Variants in HEMK2 observed in about 807,000 individuals in gnomAD.
The protein encoded by HEMK2 is methyltransferase HEMK2.
At chr21:28,730,509 C>T in the HEMK2 span, among the ~76,000 whole-genome samples, 1 of 152,108 alleles carries the variant, frequency 6.6e-6, no homozygotes, top group South Asian at 2.1e-4. Flanking sequence ...AGGTGTTGGC[C>T]AGGCTGTGGC....
chr21:28,594,414 A>G, the HEMK2 span, among the ~76,000 whole-genome samples: 5 of 152,192 alleles, frequency 3.3e-5, no homozygotes, highest in Middle Eastern at 3.2e-3. Flanking sequence ...GAGATTAACA[A>G]TAAGGGAAAC....
the HEMK2 span, among the ~76,000 whole-genome samples, chr21:28,838,388 G>A: frequency 2.0e-5 from 3 of 149,950 alleles, no homozygotes; most frequent in African/African-American, 7.4e-5. Context: ...CAAAAAATTA[G>A]CCGGGCATGG....
chr21:28,763,775 T>C, the HEMK2 span, among the ~76,000 whole-genome samples: 1 of 152,080 alleles, frequency 6.6e-6, no homozygotes, highest in Non-Finnish European at 1.5e-5. Flanking sequence ...CACAGTGAGG[T>C]GCACTTAAGC....
chr21:28,602,006 T>C, the HEMK2 span, among the ~76,000 whole-genome samples: 1 of 152,226 alleles, frequency 6.6e-6, no homozygotes, highest in African/African-American at 2.4e-5. Context: ...AACCATTTAA[T>C]TCATTGTACA....
chr21:28,608,959 C>T, the HEMK2 span, among the ~76,000 whole-genome samples: 12 of 152,294 alleles, frequency 7.9e-5, no homozygotes, highest in South Asian at 4.1e-4. Flanking sequence ...CCCACCTGAA[C>T]GTCCTCCCTA....
the HEMK2 span, among the ~76,000 whole-genome samples, chr21:28,760,818 C>A: frequency 6.6e-6 from 1 of 152,106 alleles, no homozygotes; most frequent in Non-Finnish European, 1.5e-5. Context: ...ACAAAGCCAA[C>A]ATTTGGTCTT....
At chr21:28,603,104 G>T in the HEMK2 span, among the ~76,000 whole-genome samples, 2 of 152,272 alleles carry the variant, frequency 1.3e-5, no homozygotes, top group Non-Finnish European at 2.9e-5. Flanking sequence ...GGGACACACT[G>T]AGGCTTAACC....
At chr21:28,798,648 G>T in the HEMK2 span, among the ~76,000 whole-genome samples, 1 of 152,096 alleles carries the variant, frequency 6.6e-6, no homozygotes, top group South Asian at 2.1e-4. Flanking sequence ...GCCTGGACAG[G>T]AAAAGAAATG....
chr21:28,619,934 T>G, the HEMK2 span, among the ~76,000 whole-genome samples: 1 of 152,200 alleles, frequency 6.6e-6, no homozygotes, highest in African/African-American at 2.4e-5. Flanking sequence ...CCAGGAGATT[T>G]TGGGCTGACA....
At chr21:28,834,594 G>A in the HEMK2 span, among the ~76,000 whole-genome samples, 2 of 152,190 alleles carry the variant, frequency 1.3e-5, no homozygotes, top group Non-Finnish European at 2.9e-5. Flanking sequence ...CAAGGAGAAG[G>A]AAATCTCTAG....
At chr21:28,774,062 T>C in the HEMK2 span, among the ~76,000 whole-genome samples, 3 of 152,158 alleles carry the variant, frequency 2.0e-5, no homozygotes, top group African/African-American at 7.2e-5. Flanking sequence ...TGGTTCTGTT[T>C]AGGCTTTTCA....
At chr21:28,680,335 C>T in the HEMK2 span, among the ~76,000 whole-genome samples, 2 of 152,124 alleles carry the variant, frequency 1.3e-5, no homozygotes, top group African/African-American at 4.8e-5. Flanking sequence ...CATACACCCT[C>T]CCAAGACTAA....
At chr21:28,819,785 T>G in the HEMK2 span, among the ~76,000 whole-genome samples, 9 of 152,142 alleles carry the variant, frequency 5.9e-5, no homozygotes, top group African/African-American at 2.2e-4. Flanking sequence ...TTTGACCCCA[T>G]GATCCACCCA....
the HEMK2 span, among the ~76,000 whole-genome samples, chr21:28,620,601 T>C: frequency 6.6e-6 from 1 of 151,398 alleles, no homozygotes; most frequent in Non-Finnish European, 1.5e-5. Context: ...TTCTGTGGGA[T>C]CAGTGGTGAT....
the HEMK2 span, chr21:28,879,916 TC>T: frequency 3.8e-6 from 6 of 1,599,944 alleles, no homozygotes; most frequent in Admixed American, 1.7e-5. Flanking sequence ...CACCAGAAGA[TC>T]AACTTTTTCG....
At chr21:28,646,578 G>T in the HEMK2 span, among the ~76,000 whole-genome samples, 5 of 152,124 alleles carry the variant, frequency 3.3e-5, no homozygotes, top group African/African-American at 1.2e-4. Context: ...TATCTCCATG[G>T]TTCTATCAAT....
At chr21:28,830,656 T>A in the HEMK2 span, among the ~76,000 whole-genome samples, 1 of 152,174 alleles carries the variant, frequency 6.6e-6, no homozygotes, top group East Asian at 1.9e-4. Flanking sequence ...GGTGGGCAGA[T>A]CATGAGGTCA....
At chr21:28,722,407 CAG>C in the HEMK2 span, among the ~76,000 whole-genome samples, 1 of 152,158 alleles carries the variant, frequency 6.6e-6, no homozygotes, top group African/African-American at 2.4e-5. Flanking sequence ...GCTAAATAAA[CAG>C]ACTTAGGATT....
the HEMK2 span, among the ~76,000 whole-genome samples, chr21:28,662,763 A>G: frequency 6.6e-6 from 1 of 152,090 alleles, no homozygotes; most frequent in Non-Finnish European, 1.5e-5. Context: ...CCCTTCCACC[A>G]TGACTGTAAG....
Sources: gnomAD v4.1 joint callset for allele counts (sites outside exome capture counted in the v4.1 genomes callset) on GRCh38, gnomAD v4.1.1 for gene constraint, MANE v1.5 for transcripts, NCBI Gene and HGNC (gene_info 2026-07-23, HGNC 2026-07-21) for gene names.